The following AKAP13 variants were observed in gnomAD, a reference collection of about 807,000 sequenced individuals.
AKAP13 encodes A-kinase anchor protein 13.
AKAP13 carries 80 observed loss-of-function variants against 264.5 expected under a neutral mutation model. The ratio of observed to expected loss-of-function variants is 0.30; its 90% CI spans 0.25 to 0.36. The LOEUF (loss-of-function observed/expected upper bound fraction) is 0.36. Ranked by LOEUF, AKAP13 falls within the 10% of genes least tolerant of loss-of-function variation. AKAP13 has a pLI of 1.00. For synonymous variants in AKAP13, 1,380 were observed against 1,250.2 expected, an observed-to-expected ratio of 1.10 and a Z score of -2.19; for missense variants, 3,712 against 3,435.2, an observed-to-expected ratio of 1.08 and a Z score of -2.01.
Position 85,693,756 on chromosome 15 carries a change from C to A in AKAP13, c.5464+305C>A, listed in dbSNP as rs188650731. On this transcript the variant is annotated intron_variant, in intron 17 of 36. Transcript: ENST00000394518. ...AGAAACTGTACTTTGAGTGCTGGTA[C>A]ACTCATTTCGTTTTTCACATTTAGT... 2.5e-3 allele frequency among the ~76,000 whole-genome samples: 382 copies of A among 152,254 alleles called. 6 individuals are homozygous for A. The South Asian group carries it at 0.03, about 12-fold the overall frequency.
At chr15:85,650,755 CAAAAAAAAAAAAAAAAAAAAA>C (rs66624781) in intron 10 of AKAP13, among the ~76,000 whole-genome samples, 1,187 of 32,738 alleles carry the variant, frequency 0.036, 46 homozygotes, top group African/African-American at 0.088. Context: ...GACTCCATCT[CAAAAAAAAAAAAAAAAAAAAA>C]AAAAAAAAAA....
At chr15:85,596,003 A>G (rs2079809826) in intron 8 of AKAP13, among the ~76,000 whole-genome samples, 1 of 152,176 alleles carries the variant, frequency 6.6e-6, no homozygotes, top group African/African-American at 2.4e-5. Flanking sequence ...CATTTCATAC[A>G]GTGATGTAGA....
At chr15:85,550,195 G>A (rs571392159) in intron 5 of AKAP13, among the ~76,000 whole-genome samples, 1 of 152,288 alleles carries the variant, frequency 6.6e-6, no homozygotes, top group East Asian at 1.9e-4. Context: ...GATTACAGAC[G>A]TGAGCCACTG....
intron 3 of AKAP13, among the ~76,000 whole-genome samples, chr15:85,532,850 T>C (rs2077284949): frequency 6.6e-6 from 1 of 152,210 alleles, no homozygotes; most frequent in African/African-American, 2.4e-5. Flanking sequence ...GTCTGTACAC[T>C]GGGCACCATG....
chr15:85,733,108 G>T (rs761992782), intron 30 of AKAP13, among the ~76,000 whole-genome samples: 1 of 152,098 alleles, frequency 6.6e-6, no homozygotes, highest in Non-Finnish European at 1.5e-5. Context: ...TAGTCATGTG[G>T]ATATGTGAAG....
intron 1 of AKAP13, among the ~76,000 whole-genome samples, chr15:85,397,605 A>G (rs991380817): frequency 4.6e-5 from 7 of 152,232 alleles, no homozygotes; most frequent in Non-Finnish European, 1.0e-4. Flanking sequence ...ATTGGTAGCT[A>G]TTCATCTAAG....
At chr15:85,711,794 C>T (rs1301235156) in intron 19 of AKAP13, among the ~76,000 whole-genome samples, 1 of 152,126 alleles carries the variant, frequency 6.6e-6, no homozygotes, top group East Asian at 1.9e-4. Context: ...AATCACAAAC[C>T]GTGGGATGGG....
chr15:85,481,376 T>C (rs2075347822), intron 1 of AKAP13, among the ~76,000 whole-genome samples: 1 of 152,196 alleles, frequency 6.6e-6, no homozygotes, highest in African/African-American at 2.4e-5. Flanking sequence ...TAGCAGCAAC[T>C]TTTGCTTCTC....
chr15:85,600,556 G>A (rs2080016144), intron 8 of AKAP13, among the ~76,000 whole-genome samples: 1 of 152,202 alleles, frequency 6.6e-6, no homozygotes. Flanking sequence ...TTTTAATGTA[G>A]TAGACAGGAC....
chr15:85,455,789 A>G (rs1009738482), intron 1 of AKAP13, among the ~76,000 whole-genome samples: 5 of 152,124 alleles, frequency 3.3e-5, no homozygotes, highest in Admixed American at 1.3e-4. Flanking sequence ...AACTCAATAG[A>G]TTACAGATTG....
intron 2 of AKAP13, among the ~76,000 whole-genome samples, chr15:85,510,244 G>C (rs1381024848): frequency 6.6e-6 from 1 of 152,200 alleles, no homozygotes; most frequent in Non-Finnish European, 1.5e-5. Context: ...TGCTCGAGGT[G>C]ATCTGTCTTG....
chr15:85,498,217 T>G (rs2075938457), intron 2 of AKAP13, among the ~76,000 whole-genome samples: 2 of 146,928 alleles, frequency 1.4e-5, no homozygotes, highest in South Asian at 4.5e-4. Flanking sequence ...TATATATATA[T>G]ATATATATAT....
At position 85,708,856 on chromosome 15, in the gene AKAP13, G is replaced by T. The variant is rs1430156884; in HGVS notation, c.5532+770G>T. 6.6e-6 allele frequency among the ~76,000 whole-genome samples: 1 copy of T among 152,134 alleles called. No individual in the cohort carries two copies. Among genetic ancestry groups the T allele is most frequent in the East Asian group, 1.9e-4 (1 of 5,190 alleles). On this transcript the variant is annotated intron_variant, in intron 18 of 36. Coordinates refer to ENST00000394518, the MANE Select transcript of AKAP13 (RefSeq NM_007200.5). This position sits in a 1 kb window ranked among gnomAD's most constrained non-coding sequence, Gnocchi z 4.3. ...GTGCCATGACCTCAACCTGGAATGT[G>T]CATCAGAATCAACTCGAGGGCTTAT...
At chr15:85,630,796 G>A (rs561104684) in intron 8 of AKAP13, among the ~76,000 whole-genome samples, 1 of 152,054 alleles carries the variant, frequency 6.6e-6, no homozygotes, top group Non-Finnish European at 1.5e-5. Context: ...AACAAAAATA[G>A]GTGTTGACAA....
chr15:85,745,612 C>A lies in AKAP13; in HGVS notation c.*935C>A, dbSNP rs931455886. 1.3e-5 allele frequency: 2 copies of A among 152,172 alleles called. No homozygotes were observed. Among genetic ancestry groups the A allele is most frequent in the Non-Finnish European group, 2.9e-5 (2 of 68,046 alleles). 9.4% of individuals were successfully genotyped at this position (152,172 alleles called of 1,614,324 possible). A position where few individuals can be genotyped will look rare whatever the true frequency, so the allele number is the denominator to read the frequency against. ...CGGCCTCCTGGCTGTGTTCCTGAGC[C>A]CCCGTCGTGCCTCTCCCAGACAGCA... On this transcript the variant is annotated 3_prime_UTR_variant, in exon 37 of 37. Coordinates refer to ENST00000394518, the MANE Select transcript of AKAP13 (RefSeq NM_007200.5).
intron 23 of AKAP13, among the ~76,000 whole-genome samples, chr15:85,721,566 G>C (rs886385116): frequency 3.3e-5 from 5 of 152,120 alleles, no homozygotes; most frequent in Admixed American, 3.3e-4. Context: ...CAGATACCTA[G>C]GTATGATGGC....
In AKAP13 at chr15:85,639,382, A is replaced by G; in HGVS notation, c.4170A>G (p.Arg1390=). The G allele has an allele frequency of 6.2e-7, 1 of 1,610,500 alleles. No homozygotes were observed. The highest frequency in any genetic ancestry group is 8.5e-7 in the Non-Finnish European group (1 of 1,178,598). The change falls in exon 9 of 37, where the codon CGA becomes CGG. Residue 1390 remains arginine, a synonymous_variant. Transcript: ENST00000394518. ...KQGPMTQAIN[R]ENWCTIEPCP... ...TTTTCTTTTTCTTTCAGATAAACCG[A>G]GAAAACTGGTGTACAATAGAGCCAT...
At chr15:85,523,587 CTTAT>C (rs2076910772) in intron 3 of AKAP13, among the ~76,000 whole-genome samples, 1 of 152,080 alleles carries the variant, frequency 6.6e-6, no homozygotes, top group African/African-American at 2.4e-5. Context: ...ACTTATTTAT[CTTAT>C]TTATTTTCTA....
intron 12 of AKAP13, among the ~76,000 whole-genome samples, chr15:85,663,689 T>G (rs1282715014): frequency 6.6e-6 from 1 of 152,190 alleles, no homozygotes; most frequent in African/African-American, 2.4e-5. Context: ...TAAAGAAGTT[T>G]CCGCTGCAGT....
Sources: allele counts gnomAD v4.1 joint callset (sites outside exome capture counted in the v4.1 genomes callset), GRCh38; gene constraint gnomAD v4.1.1; non-coding constraint Gnocchi (gnomAD v3.1); transcripts MANE v1.5; gene names NCBI Gene and HGNC (gene_info 2026-07-23, HGNC 2026-07-21).